The following ATP2B2 variants were observed in gnomAD, a reference collection of about 807,000 sequenced individuals.
The protein encoded by ATP2B2 is ATPase plasma membrane Ca2+ transporting 2.
In ATP2B2, 15 loss-of-function variants were observed where a neutral mutation model predicts 120.0. The observed-to-expected ratio is 0.12, with a 90% CI of 0.08 to 0.19. The LOEUF (loss-of-function observed/expected upper bound fraction) is 0.19, where lower values mean the gene tolerates loss of function less well. Ranked by LOEUF, ATP2B2 falls within the 10% of genes least tolerant of loss-of-function variation. The pLI, the probability that ATP2B2 is intolerant of heterozygous loss-of-function variation, is 1.00. For missense variants in ATP2B2, 1,045 were observed against 1,719.8 expected (o/e 0.61, Z 6.94); for synonymous variants, 694 against 700.3 (o/e 0.99, Z 0.14).
chr3:10,690,436 C>CTATCTATG (rs767264900), intron 1 of ATP2B2, among the ~76,000 whole-genome samples: 2 of 118,702 alleles, frequency 1.7e-5, no homozygotes, highest in East Asian at 4.4e-4. Flanking sequence ...ATATCTATAT[C>CTATCTATG]TATCTATCTA....
At chr3:10,681,739 AG>A (rs1345846520) in intron 1 of ATP2B2, among the ~76,000 whole-genome samples, 9 of 152,160 alleles carry the variant, frequency 5.9e-5, no homozygotes, top group Admixed American at 2.0e-4. Context: ...CATTTAACAG[AG>A]GGGGAAACTG....
At chr3:10,665,827 C>A (rs916309045) in intron 1 of ATP2B2, among the ~76,000 whole-genome samples, 2 of 152,150 alleles carry the variant, frequency 1.3e-5, no homozygotes, top group Non-Finnish European at 2.9e-5. Context: ...GAGCTGGCAG[C>A]AGAGGGAGAT....
intron 2 of ATP2B2, among the ~76,000 whole-genome samples, chr3:10,611,683 G>A (rs2069243447): frequency 6.6e-6 from 1 of 152,264 alleles, no homozygotes; most frequent in Non-Finnish European, 1.5e-5. Context: ...TTGTGTTTGA[G>A]TCCTCATTTC....
At chr3:10,527,996 A>G (rs986969899) in intron 3 of ATP2B2, among the ~76,000 whole-genome samples, 5 of 152,122 alleles carry the variant, frequency 3.3e-5, no homozygotes, top group Non-Finnish European at 5.9e-5. Context: ...CTGGCCACTA[A>G]GGTCTGTGGG....
intron 8 of ATP2B2, 107 bp downstream of exon 8, chr3:10,385,161 C>T: frequency 8.7e-7 from 1 of 1,151,710 alleles, no homozygotes; most frequent in Non-Finnish European, 1.3e-6. Context: ...GGCCCATGCA[C>T]ATCCGAGATC....
At chr3:10,606,751 T>C (rs2069078504) in intron 2 of ATP2B2, among the ~76,000 whole-genome samples, 1 of 152,260 alleles carries the variant, frequency 6.6e-6, no homozygotes, top group South Asian at 2.1e-4. Context: ...TTTACACACC[T>C]GCTTATGTAT....
chr3:10,471,081 C>T (rs1336816894), intron 1 of ATP2B2, among the ~76,000 whole-genome samples: 1 of 152,184 alleles, frequency 6.6e-6, no homozygotes. Context: ...CTGAATGGGC[C>T]CAATAACCCG....
At chr3:10,333,807 G>A (rs985896079) in intron 22 of ATP2B2, among the ~76,000 whole-genome samples, 1 of 152,190 alleles carries the variant, frequency 6.6e-6, no homozygotes, top group African/African-American at 2.4e-5. Context: ...CTGAGAGAAT[G>A]AGGGGTCAGG....
chr3:10,482,236 C>T (rs2065444294), intron 1 of ATP2B2, among the ~76,000 whole-genome samples: 2 of 152,164 alleles, frequency 1.3e-5, no homozygotes, highest in Non-Finnish European at 2.9e-5. Flanking sequence ...GTGGGCTTTA[C>T]TGTTGCCCCC....
chr3:10,457,330 G>A (rs1168996419), intron 1 of ATP2B2, among the ~76,000 whole-genome samples: 3 of 152,098 alleles, frequency 2.0e-5, no homozygotes, highest in African/African-American at 4.8e-5. Flanking sequence ...GTCAGTGGGA[G>A]TGCATTATGG....
At chr3:10,489,505 C>A (rs557952325) in intron 1 of ATP2B2, among the ~76,000 whole-genome samples, 2 of 152,314 alleles carry the variant, frequency 1.3e-5, no homozygotes, top group East Asian at 3.9e-4. Context: ...ACCCTCCTGG[C>A]CTCTCATTAA....
intron 3 of ATP2B2, among the ~76,000 whole-genome samples, chr3:10,529,982 C>T (rs746192812): frequency 5.9e-5 from 9 of 152,300 alleles, no homozygotes; most frequent in African/African-American, 1.2e-4. Flanking sequence ...TCCCCATCCT[C>T]GGAAGGAACC....
intron 1 of ATP2B2, among the ~76,000 whole-genome samples, chr3:10,653,390 A>G (rs1277382053): frequency 1.3e-5 from 2 of 152,166 alleles, no homozygotes; most frequent in Admixed American, 1.3e-4. Flanking sequence ...TGAAGAGTCC[A>G]AAGGACTCAA....
intron 1 of ATP2B2, among the ~76,000 whole-genome samples, chr3:10,680,145 A>G (rs1388555889): frequency 1.3e-5 from 2 of 152,288 alleles, no homozygotes; most frequent in East Asian, 1.9e-4. Context: ...CTTAAAAATA[A>G]TATCTTGAAG....
intron 3 of ATP2B2, among the ~76,000 whole-genome samples, chr3:10,407,180 A>G (rs914696649): frequency 7.9e-5 from 12 of 152,090 alleles, no homozygotes; most frequent in African/African-American, 2.9e-4. Context: ...CTCACCTGCC[A>G]GATGGGGTGG....
In ATP2B2 at chr3:10,421,691, CCTCT is replaced by C. The variant is rs200255073; in HGVS notation, c.200-10880_200-10877del. On this transcript the variant is annotated intron_variant, in intron 2 of 22. Coordinates refer to ENST00000360273, the MANE Select transcript of ATP2B2 (RefSeq NM_001001331.4). ...CATCCAGTTCCTGGGCTCACAGTGG[CCTCT>C]CTGTGAGGTTGTCCCAAAGGACTCC... is the stretch of plus-strand genomic sequence containing the variant. Among the ~76,000 whole-genome samples the C allele has an allele frequency of 8.6e-3, 1,310 of 152,256 alleles. 14 individuals are homozygous for C. The highest frequency in any genetic ancestry group is 0.03 in the African/African-American group (1,251 of 41,524).
intron 2 of ATP2B2, among the ~76,000 whole-genome samples, chr3:10,539,889 G>T (rs554843573): frequency 9.2e-5 from 14 of 152,300 alleles, no homozygotes; most frequent in African/African-American, 3.1e-4. Flanking sequence ...AAACTAAAGA[G>T]CTTCTGCACA....
intron 1 of ATP2B2, among the ~76,000 whole-genome samples, chr3:10,460,188 A>G (rs73119408): frequency 0.07 from 10,580 of 152,184 alleles, 1,279 homozygotes; most frequent in African/African-American, 0.24. Flanking sequence ...GGAACCTGAT[A>G]ACTACAGGCC....
chr3:10,535,951 C>T (rs182595253), intron 2 of ATP2B2, among the ~76,000 whole-genome samples: 1 of 151,902 alleles, frequency 6.6e-6, no homozygotes, highest in Non-Finnish European at 1.5e-5. Context: ...AACTGTTTTC[C>T]AGTATGGTAA....
Sources: gnomAD v4.1 joint callset for allele counts (sites outside exome capture counted in the v4.1 genomes callset) on GRCh38, gnomAD v4.1.1 for gene constraint, MANE v1.5 for transcripts, NCBI Gene and HGNC (gene_info 2026-07-23, HGNC 2026-07-21) for gene names.